COL5A1: variants seen among roughly 807,000 people sequenced by gnomAD.
COL5A1 encodes collagen type V alpha 1 chain, also known as collagen alpha-1(V) chain.
In COL5A1, 16 loss-of-function variants were observed where a neutral mutation model predicts 263.7. The observed-to-expected ratio is 0.06, with a 90% CI of 0.04 to 0.09. The LOEUF is 0.09. Among genes scored for constraint, COL5A1 ranks in the 10% least tolerant of loss-of-function variants. The probability of loss-of-function intolerance (pLI) is 1.00; values close to 1 mark genes in which losing one functional copy is unlikely to be tolerated. For missense variants in COL5A1, 2,036 were observed against 2,540.5 expected (o/e 0.80, Z 4.27); for synonymous variants, 1,012 against 1,004.5 (o/e 1.01, Z -0.14).
At chr9:134,738,660 A>T in intron 10 of COL5A1, 86 bp from the exon 11 acceptor site, 1 of 1,196,660 alleles carries the variant, frequency 8.4e-7, no homozygotes, top group Non-Finnish European at 1.2e-6. Flanking sequence ...TCCCACCCCC[A>T]CCTCTGCCTT....
chr9:134,828,329 G>T (rs1588604210), intron 63 of COL5A1, among the ~76,000 whole-genome samples: 2 of 152,126 alleles, frequency 1.3e-5, no homozygotes, highest in Admixed American at 1.3e-4. Context: ...CCAGGAAGCG[G>T]GCACAAGTAG....
intron 31 of COL5A1, among the ~76,000 whole-genome samples, chr9:134,788,175 T>G (rs1229470824): frequency 7.1e-6 from 1 of 140,408 alleles, no homozygotes; most frequent in Non-Finnish European, 1.5e-5. Context: ...AGTGGATGAA[T>G]GGAGGGGTGG....
rs1205315285 is a variant in COL5A1, at chr9:134,757,982, G to C, written c.1882-261G>C. On this transcript the variant is annotated intron_variant, in intron 17 of 65. Transcript: ENST00000371817. This position sits in a 1 kb window ranked among gnomAD's most constrained non-coding sequence, Gnocchi z 6.2. ...GGTCGCTGAAATACCGCATGACTAA[G>C]GACCCGTCGGGGCCTGGGACTTGGG... Among the ~76,000 whole-genome samples, 1 of 152,214 alleles carries C rather than the reference G, an allele frequency of 6.6e-6. No individual in the cohort carries two copies. Among genetic ancestry groups the C allele is most frequent in the Non-Finnish European group, 1.5e-5 (1 of 68,040 alleles).
In COL5A1 at chr9:134,762,156, G is replaced by T. The variant is rs180822788; in HGVS notation, c.1989+178G>T. Among the ~76,000 whole-genome samples, 15 of 152,332 alleles carry T rather than the reference G, an allele frequency of 9.8e-5. No individual in the cohort carries two copies. In the East Asian group the frequency reaches 2.9e-3, roughly 29 times the overall value. On this transcript the variant is annotated intron_variant, in intron 19 of 65. Coordinates refer to ENST00000371817, the MANE Select transcript of COL5A1 (RefSeq NM_000093.5). Reference sequence around the variant, plus strand: ...AAAGCGATTGATCAGATGCCAAGAGGCTGCGGGGCATTGGAGAGACCCTGA... The same window carrying T: ...AAAGCGATTGATCAGATGCCAAGAGTCTGCGGGGCATTGGAGAGACCCTGA...
At chr9:134,826,010 C>CTG in intron 63 of COL5A1, 106 bp downstream of exon 63, 1 of 688,482 alleles carries the variant, frequency 1.5e-6, no homozygotes, top group Non-Finnish European at 2.6e-6. Flanking sequence ...AGACTGAAAG[C>CTG]CAGAAATGAA....
intron 39 of COL5A1, among the ~76,000 whole-genome samples, chr9:134,804,710 G>A (rs534784535): frequency 2.0e-5 from 3 of 152,336 alleles, no homozygotes; most frequent in African/African-American, 4.8e-5. Context: ...TCTGAAAAGT[G>A]GCCAGGAGAA....
At chr9:134,810,603 T>G in intron 44 of COL5A1, 1 of 447,608 alleles carries the variant, frequency 2.2e-6, no homozygotes, top group South Asian at 3.5e-5. Flanking sequence ...ACACACCCAT[T>G]GCCCTCTGAG....
At chr9:134,743,493 G>A (rs1835366314) in intron 11 of COL5A1, among the ~76,000 whole-genome samples, 1 of 152,180 alleles carries the variant, frequency 6.6e-6, no homozygotes, top group East Asian at 1.9e-4. Context: ...CCTGCTGGGG[G>A]GCCTGGATCC....
chr9:134,826,350 T>C (rs4841937), intron 63 of COL5A1, among the ~76,000 whole-genome samples: 111,027 of 152,208 alleles, frequency 0.73, 40,637 homozygotes, highest in South Asian at 0.81. Context: ...GGGTTGGCCC[T>C]GGTCCCTCCT....
chr9:134,714,365 G>T (rs1042499561), intron 4 of COL5A1, among the ~76,000 whole-genome samples: 1 of 150,644 alleles, frequency 6.6e-6, no homozygotes, highest in Admixed American at 6.6e-5. Context: ...CAGTGGTGTG[G>T]TGGTAATGGT....
chr9:134,809,013 T>C, intron 42 of COL5A1, 170 bp from the exon 43 acceptor site: 1 of 682,460 alleles, frequency 1.5e-6, no homozygotes, highest in South Asian at 1.6e-5. Context: ...AGGGGCGGGC[T>C]CAGAGTCGGC....
intron 9 of COL5A1, chr9:134,732,521 G>A (rs933428011): frequency 3.9e-5 from 14 of 359,372 alleles, no homozygotes; most frequent in Non-Finnish European, 6.8e-5. Context: ...GATGCGCGCG[G>A]CAGTGGTAGG....
intron 6 of COL5A1, 120 bp downstream of exon 6, chr9:134,728,927 CG>C: frequency 7.6e-7 from 1 of 1,319,420 alleles, no homozygotes; most frequent in Non-Finnish European, 1.1e-6. Flanking sequence ...GTGAAGGTTG[CG>C]GGGGCAGCTC....
Position 134,751,016 on chromosome 9 carries a change from T to C in COL5A1, c.1662+134T>C, listed in dbSNP as rs60008082. 0.18 allele frequency: 142,721 copies of C among 801,336 alleles called. 13,667 individuals carry two copies. Among genetic ancestry groups the C allele is most frequent in the East Asian group, 0.32 (11,803 of 37,450 alleles). 49.6% of individuals were successfully genotyped at this position (801,336 alleles called of 1,614,324 possible). ...TCTTGATCCCAGAATGCCTGCTTGCTGGGGTCAGGAGCTGTGGGAGCGTCC... is the reference window on the plus strand; with the variant it reads ...TCTTGATCCCAGAATGCCTGCTTGCCGGGGTCAGGAGCTGTGGGAGCGTCC... On this transcript the variant is annotated intron_variant, in intron 13 of 65. Transcript: ENST00000371817.
chr9:134,780,018 AGCCTGTCTTGACAC>A, intron 27 of COL5A1, 70 bp from the exon 28 acceptor site: 6 of 1,497,104 alleles, frequency 4.0e-6, no homozygotes, highest in Non-Finnish European at 5.6e-6. Context: ...CAGCGAGCTC[AGCCTGTCTTGACAC>A]GCCTGCGACA....
intron 6 of COL5A1, among the ~76,000 whole-genome samples, chr9:134,729,596 G>A (rs1834801394): frequency 2.3e-5 from 1 of 44,152 alleles, no homozygotes; most frequent in Non-Finnish European, 4.2e-5. Flanking sequence ...GTGTGCATGC[G>A]GGCACGGGTG....
At chr9:134,810,784 C>T (rs1279121604) in intron 44 of COL5A1, among the ~76,000 whole-genome samples, 1 of 152,206 alleles carries the variant, frequency 6.6e-6, no homozygotes, top group African/African-American at 2.4e-5. Flanking sequence ...TTATCCTGTA[C>T]AGCCAGGCCT....
At chr9:134,779,365 C>A (rs760593578) in intron 27 of COL5A1, among the ~76,000 whole-genome samples, 19 of 152,224 alleles carry the variant, frequency 1.2e-4, no homozygotes, top group Non-Finnish European at 2.6e-4. Flanking sequence ...TAGTCCTGGG[C>A]CCCGTCCCAG....
chr9:134,788,248 G>A (rs1055686093), intron 31 of COL5A1, among the ~76,000 whole-genome samples: 1 of 149,814 alleles, frequency 6.7e-6, no homozygotes, highest in Non-Finnish European at 1.5e-5. Flanking sequence ...ATAGACATAG[G>A]TGGGCTGCTT....
Sources: allele counts gnomAD v4.1 joint callset (sites outside exome capture counted in the v4.1 genomes callset), GRCh38; gene constraint gnomAD v4.1.1; non-coding constraint Gnocchi (gnomAD v3.1); transcripts MANE v1.5; gene names NCBI Gene and HGNC (gene_info 2026-07-23, HGNC 2026-07-21).